Variants in KIF26B observed in about 807,000 individuals in gnomAD.
KIF26B encodes the protein kinesin family member 26B.
In KIF26B, 63 loss-of-function variants were observed where a neutral mutation model predicts 151.2. The observed-to-expected ratio is 0.42, with a 90% confidence interval of 0.34 to 0.51. KIF26B has a LOEUF of 0.51. Ranked by LOEUF, KIF26B falls within the 20% of genes least tolerant of loss-of-function variation. The pLI, the probability that KIF26B is intolerant of heterozygous loss-of-function variation, is 0.07. For synonymous variants in KIF26B, 1,357 were observed against 1,262.1 expected (o/e 1.08, Z -1.59); for missense variants, 2,813 against 2,913.6 (o/e 0.97, Z 0.79).
At chr1:245,255,804 C>T (rs1670522154) in intron 2 of KIF26B, among the ~76,000 whole-genome samples, 1 of 152,114 alleles carries the variant, frequency 6.6e-6, no homozygotes, top group Non-Finnish European at 1.5e-5. Context: ...TTGTTTTTTT[C>T]CCTTTAACAA....
intron 4 of KIF26B, among the ~76,000 whole-genome samples, chr1:245,515,297 C>T (rs914455352): frequency 3.3e-5 from 5 of 152,178 alleles, no homozygotes; most frequent in African/African-American, 9.7e-5. Flanking sequence ...AGGGCTTCTC[C>T]TCTGCCATCC....
chr1:245,376,422 T>TAA (rs113389945), intron 3 of KIF26B, among the ~76,000 whole-genome samples: 43 of 148,262 alleles, frequency 2.9e-4, no homozygotes, highest in South Asian at 4.3e-4. Context: ...CTTGGGAGAT[T>TAA]AAAAAAAAAA....
At chr1:245,452,098 A>G (rs1220608460) in intron 4 of KIF26B, among the ~76,000 whole-genome samples, 2 of 149,398 alleles carry the variant, frequency 1.3e-5, no homozygotes, top group African/African-American at 4.9e-5. Flanking sequence ...ATAACTCCCC[A>G]CTCTCCTCCC....
At chr1:245,294,787 C>T (rs1197061696) in intron 2 of KIF26B, among the ~76,000 whole-genome samples, 3 of 151,982 alleles carry the variant, frequency 2.0e-5, no homozygotes, top group Non-Finnish European at 2.9e-5. Context: ...CTCAGCTTCC[C>T]GAGTAGCTGG....
intron 2 of KIF26B, among the ~76,000 whole-genome samples, chr1:245,285,998 T>TAAA (rs34582895): frequency 5.4e-5 from 6 of 110,772 alleles, no homozygotes; most frequent in East Asian, 5.1e-4. Flanking sequence ...ACCCTCTCTC[T>TAAA]AAAAAAAAAA....
At chr1:245,324,175 T>G in intron 2 of KIF26B, among the ~76,000 whole-genome samples, 1 of 145,132 alleles carries the variant, frequency 6.9e-6, no homozygotes. Flanking sequence ...TGTGGGTGAT[T>G]GGAGGTGGAG....
chr1:245,646,447 C>T (rs138830059), intron 10 of KIF26B, among the ~76,000 whole-genome samples, 167 bp downstream of exon 10: 288 of 152,284 alleles, frequency 1.9e-3, no homozygotes, highest in African/African-American at 6.4e-3. Context: ...GCATGATCTC[C>T]CAAATTCAAA....
At chr1:245,537,383 C>G (rs1458919542) in intron 4 of KIF26B, among the ~76,000 whole-genome samples, 1 of 152,144 alleles carries the variant, frequency 6.6e-6, no homozygotes, top group African/African-American at 2.4e-5. Flanking sequence ...TAGGCCACTG[C>G]AAGTACTTTG....
In KIF26B at chr1:245,540,550, A is replaced by G. The variant is rs1440597635; in HGVS notation, c.1167-217A>G. 8.5e-6 allele frequency: 6 copies of G among 702,316 alleles called. No homozygotes were observed. In the African/African-American group the frequency reaches 8.7e-5, roughly 10 times the overall value. 43.5% of individuals were successfully genotyped at this position (702,316 alleles called of 1,614,324 possible). A position where few individuals can be genotyped will look rare whatever the true frequency, so the allele number is the denominator to read the frequency against. The stretch of plus-strand genomic sequence containing the variant: ...CGTGATTGCAGAATCCTGCTATTTT[A>G]TGGCTTTGTTTTTCCTTTTGTCGTA... On this transcript the variant is annotated intron_variant, in intron 4 of 14. Coordinates refer to ENST00000407071, the MANE Select transcript of KIF26B (RefSeq NM_018012.4). This position sits in a 1 kb window ranked among gnomAD's most constrained non-coding sequence, Gnocchi z 4.6.
In KIF26B at chr1:245,358,042, G is replaced by C. The variant is rs1672736978; in HGVS notation, c.466-8792G>C. 6.6e-6 allele frequency among the ~76,000 whole-genome samples: 1 copy of C among 152,052 alleles called. No homozygotes were observed. Among genetic ancestry groups the C allele is most frequent in the South Asian group, 2.1e-4 (1 of 4,818 alleles). Reference sequence around the variant, plus strand: ...AGGGATCCTCCCACCTCAGCCTCCTGAGTAGCTGGGACTAAAGGCATGCAC... The same window carrying C: ...AGGGATCCTCCCACCTCAGCCTCCTCAGTAGCTGGGACTAAAGGCATGCAC... On this transcript the variant is annotated intron_variant, in intron 2 of 14. Coordinates refer to ENST00000407071, the MANE Select transcript of KIF26B (RefSeq NM_018012.4). The surrounding 1 kb of genome is among the most constrained non-coding windows in gnomAD (Gnocchi z 4.1).
chr1:245,503,088 G>A (rs894842227), intron 4 of KIF26B, among the ~76,000 whole-genome samples: 9 of 152,036 alleles, frequency 5.9e-5, no homozygotes, highest in African/African-American at 1.2e-4. Flanking sequence ...TTGAACTCCC[G>A]ACCTCAGGTG....
chr1:245,467,303 G>A (rs952254476), intron 4 of KIF26B, among the ~76,000 whole-genome samples: 11 of 152,178 alleles, frequency 7.2e-5, no homozygotes, highest in Non-Finnish European at 1.5e-4. Flanking sequence ...TCTGTGTTTC[G>A]GTCTCATCCC....
intron 2 of KIF26B, among the ~76,000 whole-genome samples, chr1:245,171,067 G>A (rs745436585): frequency 1.3e-5 from 2 of 152,218 alleles, no homozygotes; most frequent in Non-Finnish European, 2.9e-5. Context: ...GAGGAATGCA[G>A]TGAGCTGGTT....
At chr1:245,389,218 A>G (rs985401027) in intron 3 of KIF26B, among the ~76,000 whole-genome samples, 2 of 152,008 alleles carry the variant, frequency 1.3e-5, no homozygotes, top group African/African-American at 4.8e-5. Context: ...GGTTCAAGCA[A>G]TTCTCCTGCC....
At chr1:245,700,321 T>G (rs2044752889) in intron 14 of KIF26B, among the ~76,000 whole-genome samples, 1 of 152,136 alleles carries the variant, frequency 6.6e-6, no homozygotes. Context: ...TCTTGGTGCT[T>G]ACTACACTGC....
At chr1:245,587,849 T>G (rs935274000) in intron 5 of KIF26B, among the ~76,000 whole-genome samples, 3 of 152,176 alleles carry the variant, frequency 2.0e-5, no homozygotes, top group African/African-American at 4.8e-5. Flanking sequence ...AGAAAAGGCC[T>G]GGTGAGAGTA....
intron 2 of KIF26B, among the ~76,000 whole-genome samples, chr1:245,269,610 G>A (rs535418318): frequency 2.7e-4 from 41 of 151,834 alleles, no homozygotes; most frequent in African/African-American, 9.4e-4. Context: ...AATTATAGGC[G>A]CCTGCCACCA....
intron 4 of KIF26B, among the ~76,000 whole-genome samples, chr1:245,520,114 T>TGAGAGAGA (rs10650644): frequency 0.16 from 21,327 of 132,172 alleles, 1,908 homozygotes; most frequent in Non-Finnish European, 0.2. Flanking sequence ...CTCAACTAAC[T>TGAGAGAGA]GAGAGAGAGA....
intron 2 of KIF26B, among the ~76,000 whole-genome samples, chr1:245,248,875 A>G (rs1670387395): frequency 1.3e-5 from 2 of 152,222 alleles, no homozygotes; most frequent in African/African-American, 2.4e-5. Context: ...AGTCAGTGGG[A>G]TGTGAATATA....
Sources: allele counts gnomAD v4.1 joint callset (sites outside exome capture counted in the v4.1 genomes callset), GRCh38; gene constraint gnomAD v4.1.1; non-coding constraint Gnocchi (gnomAD v3.1); transcripts MANE v1.5; gene names NCBI Gene and HGNC (gene_info 2026-07-23, HGNC 2026-07-21).